The following BACE2 variants were observed in gnomAD, a reference collection of about 807,000 sequenced individuals.
BACE2 encodes the protein 56 kDa aspartic-like protease.
BACE2 carries 17 observed loss-of-function variants against 46.2 expected under a neutral mutation model. The ratio of observed to expected loss-of-function variants is 0.37; its 90% confidence interval spans 0.25 to 0.55. The LOEUF is 0.55. Among genes scored for constraint, BACE2 ranks in the 20% least tolerant of loss-of-function variants. The pLI, the probability that BACE2 is intolerant of heterozygous loss-of-function variation, is 0.82. For missense variants in BACE2, 595 were observed against 698.1 expected (o/e 0.85, Z 1.66); for synonymous variants, 277 against 295.9 (o/e 0.94, Z 0.66).
intron 8 of BACE2, among the ~76,000 whole-genome samples, chr21:41,271,360 T>A (rs1198768068): frequency 6.6e-6 from 1 of 152,096 alleles, no homozygotes; most frequent in African/African-American, 2.4e-5. Context: ...GTAAGAATAG[T>A]TTTTACATTT....
intron 8 of BACE2, among the ~76,000 whole-genome samples, chr21:41,263,102 G>A (rs1447658695): frequency 6.6e-6 from 1 of 152,066 alleles, no homozygotes; most frequent in Non-Finnish European, 1.5e-5. Flanking sequence ...TTATGCATAG[G>A]ATAGGTTTGT....
Position 41,168,463 on chromosome 21 carries a change from C to T in BACE2, c.200C>T (p.Ala67Val), listed in dbSNP as rs901969547. The T allele has an allele frequency of 7.2e-6, 10 of 1,387,926 alleles. No homozygotes were observed. Among genetic ancestry groups the T allele is most frequent in the Non-Finnish European group, 8.4e-6 (9 of 1,067,690 alleles). The allele number at this position is 1,387,926 out of a possible 1,614,324, so 86.0% of individuals were successfully genotyped here. A position where few individuals can be genotyped will look rare whatever the true frequency, so the allele number is the denominator to read the frequency against. The change falls in exon 1 of 9, where the codon GCC (alanine) becomes GTC (valine). Residue 67 changes from alanine (A) to valine (V), a missense_variant. By Grantham distance (64) the Ala-to-Val change is moderately conservative. Coordinates refer to ENST00000330333, the MANE Select transcript of BACE2 (RefSeq NM_012105.5). Reference sequence around the variant, plus strand: ...GGCTTGGCGCTCGCCCTGGAGCCTGCCCTGGCGTCCCCCGCGGGCGCCGCC... The same window carrying T: ...GGCTTGGCGCTCGCCCTGGAGCCTGTCCTGGCGTCCCCCGCGGGCGCCGCC... ...ADGLALALEPALASPAGAANF... is the reference protein window; with the variant it reads ...ADGLALALEPVLASPAGAANF...
intron 1 of BACE2, among the ~76,000 whole-genome samples, chr21:41,217,742 A>G (rs1254155301): frequency 6.6e-6 from 1 of 152,228 alleles, no homozygotes; most frequent in African/African-American, 2.4e-5. Context: ...GCTGGATGCA[A>G]AGAAGGTGTC....
At chr21:41,180,538 G>A (rs1985080838) in intron 1 of BACE2, 1 of 167,168 alleles carries the variant, frequency 6.0e-6, no homozygotes, top group Non-Finnish European at 1.5e-5. Context: ...TGGGCTGGAA[G>A]CCTTGTGCCA....
At chr21:41,234,330 A>T (rs1390670267) in intron 2 of BACE2, among the ~76,000 whole-genome samples, 1 of 152,224 alleles carries the variant, frequency 6.6e-6, no homozygotes, top group Non-Finnish European at 1.5e-5. Flanking sequence ...GTATGCCTTT[A>T]TCACAGTGTA....
At chr21:41,222,727 C>T (rs1295319757) in intron 1 of BACE2, among the ~76,000 whole-genome samples, 2 of 152,108 alleles carry the variant, frequency 1.3e-5, no homozygotes, top group African/African-American at 4.8e-5. Flanking sequence ...CCAGTGAGGA[C>T]GAGGAGGGGA....
At chr21:41,222,420 T>G (rs1986686403) in intron 1 of BACE2, among the ~76,000 whole-genome samples, 1 of 152,188 alleles carries the variant, frequency 6.6e-6, no homozygotes, top group South Asian at 2.1e-4. Context: ...CCGTGCCACA[T>G]GGACCTGGAC....
rs531189768 is a variant in BACE2, at chr21:41,196,490, A to G, written c.312+27915A>G. Among the ~76,000 whole-genome samples the G allele has an allele frequency of 3.5e-4, 53 of 152,038 alleles. No individual in the cohort carries two copies. The South Asian group carries it at 1.0e-2, about 29-fold the overall frequency. On this transcript the variant is annotated intron_variant, in intron 1 of 8. Transcript: ENST00000330333. Reference sequence around the variant, plus strand: ...CAAAAGGGGACTGGTTGATTAAACTATGGTAAATCTACACCATCGAACATG... The same window carrying G: ...CAAAAGGGGACTGGTTGATTAAACTGTGGTAAATCTACACCATCGAACATG...
Position 41,275,766 on chromosome 21 carries a change from G to A in BACE2, c.*142G>A. 2 of 917,192 alleles carry A rather than the reference G, an allele frequency of 2.2e-6. No homozygotes were observed. The highest frequency in any genetic ancestry group is 3.2e-6 in the Non-Finnish European group (2 of 626,540). The allele number at this position is 917,192 out of a possible 1,614,324, so 56.8% of individuals were successfully genotyped here. A position where few individuals can be genotyped will look rare whatever the true frequency, so the allele number is the denominator to read the frequency against. On this transcript the variant is annotated 3_prime_UTR_variant, in exon 9 of 9. Coordinates refer to ENST00000330333, the MANE Select transcript of BACE2 (RefSeq NM_012105.5). ...CTGTTCTGCTCCCAGATGCCTTCTA[G>A]ATTCACTGTCTTTTGATTCTTGATT...
chr21:41,226,248 C>A lies in BACE2; in HGVS notation c.313-18C>A. 1 of 1,572,676 alleles carries A rather than the reference C, an allele frequency of 6.4e-7. No individual in the cohort carries two copies. Among genetic ancestry groups the A allele is most frequent in the Non-Finnish European group, 8.6e-7 (1 of 1,161,078 alleles). On this transcript the variant is annotated intron_variant, in intron 1 of 8. Coordinates refer to ENST00000330333, the MANE Select transcript of BACE2 (RefSeq NM_012105.5). ...ACTTGATGCTTTCTATTTTTTTTTT[C>A]TCCTTAAAACATAAAAGCTACAGAT...
At chr21:41,238,355 A>T (rs934514734) in intron 3 of BACE2, among the ~76,000 whole-genome samples, 4 of 152,174 alleles carry the variant, frequency 2.6e-5, no homozygotes, top group African/African-American at 9.7e-5. Flanking sequence ...TTCACCAAAT[A>T]TTTGTACTTG....
At chr21:41,251,575 C>G (rs1041354464) in intron 7 of BACE2, among the ~76,000 whole-genome samples, 8 of 152,170 alleles carry the variant, frequency 5.3e-5, no homozygotes, top group Admixed American at 5.2e-4. Context: ...CCAAGGCAGG[C>G]AAATCACCTG....
intron 2 of BACE2, among the ~76,000 whole-genome samples, chr21:41,235,728 G>C (rs962029482): frequency 6.6e-6 from 1 of 152,248 alleles, no homozygotes; most frequent in Non-Finnish European, 1.5e-5. Context: ...TGTAGTCCCA[G>C]TTACTCAGTA....
rs919040375 is a variant in BACE2, at chr21:41,276,969, T to C, written c.*1345T>C. 5 of 152,190 alleles carry C rather than the reference T, an allele frequency of 3.3e-5. No individual in the cohort carries two copies. The highest frequency in any genetic ancestry group is 5.9e-5 in the Non-Finnish European group (4 of 68,028). 9.4% of individuals were successfully genotyped at this position (152,190 alleles called of 1,614,324 possible). The stretch of plus-strand genomic sequence containing the variant: ...TATCGAGGCCTTTGCCAAAGAAAAG[T>C]GGAAGCCGTTTCCTTGACATAGCCT... On this transcript the variant is annotated 3_prime_UTR_variant, in exon 9 of 9. Transcript: ENST00000330333.
intron 1 of BACE2, 112 bp downstream of exon 1, chr21:41,168,687 G>C (rs970487572): frequency 2.9e-6 from 2 of 689,988 alleles, no homozygotes; most frequent in Non-Finnish European, 4.0e-6. Flanking sequence ...AGCTGTCCCC[G>C]CACAGAAGAG....
intron 2 of BACE2, among the ~76,000 whole-genome samples, chr21:41,234,285 A>G (rs973969125): frequency 4.6e-5 from 7 of 152,198 alleles, no homozygotes; most frequent in African/African-American, 1.7e-4. Context: ...TGAGCCCATT[A>G]AACTTCTTTC....
intron 6 of BACE2, chr21:41,246,363 GA>G (rs1987472624): frequency 5.6e-6 from 1 of 178,670 alleles, no homozygotes; most frequent in South Asian, 1.8e-4. Context: ...ACTTGGATCT[GA>G]ATGTGCAATG....
rs866816583 is a variant in BACE2 at position 41,198,835 on chromosome 21, G to T, written c.313-27431G>T. On this transcript the variant is annotated intron_variant, in intron 1 of 8. Coordinates refer to ENST00000330333, the MANE Select transcript of BACE2 (RefSeq NM_012105.5). ...AGGCAACTTGGGTGATGTGTTGGTGGATCTCTGTACGCTTTTTATTTATTT... is the reference window on the plus strand; with the variant it reads ...AGGCAACTTGGGTGATGTGTTGGTGTATCTCTGTACGCTTTTTATTTATTT... Among the ~76,000 whole-genome samples, 185 of 151,268 alleles carry T rather than the reference G, an allele frequency of 1.2e-3. 1 individual carries two copies. Among genetic ancestry groups the T allele is most frequent in the African/African-American group, 4.0e-3 (165 of 41,100 alleles).
At chr21:41,178,522 G>A (rs189776588) in intron 1 of BACE2, 31 of 152,594 alleles carry the variant, frequency 2.0e-4, no homozygotes, top group African/African-American at 7.5e-4. Flanking sequence ...GATTGCTTGA[G>A]GTTAGGAGTT....
Sources: gnomAD v4.1 joint callset for allele counts (sites outside exome capture counted in the v4.1 genomes callset) on GRCh38, gnomAD v4.1.1 for gene constraint, MANE v1.5 for transcripts, NCBI Gene and HGNC (gene_info 2026-07-23, HGNC 2026-07-21) for gene names.